DENND11: variants seen among roughly 807,000 people sequenced by gnomAD.
DENND11 encodes DENN domain-containing protein 11.
In DENND11, 34 loss-of-function variants were observed where a neutral mutation model predicts 49.2. The ratio of observed to expected loss-of-function variants is 0.69; its 90% CI spans 0.53 to 0.92. The LOEUF (loss-of-function observed/expected upper bound fraction) is 0.92. Among genes scored for constraint, DENND11 ranks in the 40% least tolerant of loss-of-function variants. The pLI, the probability that DENND11 is intolerant of heterozygous loss-of-function variation, is 0.00. For missense variants in DENND11, 475 were observed against 581.6 expected (o/e 0.82, Z 1.88); for synonymous variants, 238 against 230.3 (o/e 1.03, Z -0.30).
chr7:141,664,298 G>A, intron 7 of DENND11, 58 bp from the exon 8 acceptor site: 2 of 1,389,576 alleles, frequency 1.4e-6, no homozygotes, highest in Non-Finnish European at 2.0e-6. Context: ...AGTCACAGGT[G>A]AGGCCTCAGC....
chr7:141,700,003 C>A lies in DENND11; in HGVS notation c.268+1883G>T, dbSNP rs187827403. On this transcript the variant is annotated intron_variant, in intron 1 of 8. Transcript: ENST00000536163. Reference sequence around the variant, plus strand: ...GCCTGTGACTGACAAGGAATGGGGGCAGGTACTAGCCCTCTGGCGCTTTTA... The same window carrying A: ...GCCTGTGACTGACAAGGAATGGGGGAAGGTACTAGCCCTCTGGCGCTTTTA... 2.0e-5 allele frequency among the ~76,000 whole-genome samples: 3 copies of A among 152,278 alleles called. No homozygotes were observed. In the East Asian group the frequency reaches 5.8e-4, roughly 29 times the overall value.
chr7:141,685,519 T>G lies in DENND11; in HGVS notation c.486A>C (p.Thr162=). Residue 162 remains threonine, a synonymous_variant, in exon 3 of 9, where the codon ACA becomes ACC. Transcript: ENST00000536163. The part of the protein sequence containing the change: ...KSVGILSPSY[T]LLYRYMHFLE... ...AGAAGTGCATGTAGCGGTAAAGCAG[T>G]GTGTAGGAGGGAGAGAGGATGCCCA... is the stretch of plus-strand genomic sequence containing the variant. The G allele has an allele frequency of 6.2e-7, 1 of 1,613,784 alleles. No individual in the cohort carries two copies. Among genetic ancestry groups the G allele is most frequent in the Non-Finnish European group, 8.5e-7 (1 of 1,179,838 alleles).
chr7:141,685,756 A>G, intron 2 of DENND11, 120 bp from the exon 3 acceptor site: 1 of 1,121,862 alleles, frequency 8.9e-7, no homozygotes, highest in Non-Finnish European at 1.3e-6. Context: ...GCCTCAAGAA[A>G]ACAAGCGGGC....
chr7:141,682,572 T>C (rs1798164077), intron 3 of DENND11, among the ~76,000 whole-genome samples: 1 of 152,226 alleles, frequency 6.6e-6, no homozygotes, highest in Non-Finnish European at 1.5e-5. Flanking sequence ...GAGCAGCTTT[T>C]AACATTTGGG....
intron 3 of DENND11, among the ~76,000 whole-genome samples, chr7:141,674,468 C>CT (rs945078545): frequency 3.9e-5 from 6 of 152,176 alleles, no homozygotes; most frequent in African/African-American, 1.4e-4. Flanking sequence ...GGAACACATT[C>CT]TTTTTCTCAT....
In DENND11 at chr7:141,686,664, G is replaced by C; in HGVS notation, c.269-6C>G. On this transcript the variant is annotated splice_region_variant and splice_polypyrimidine_tract_variant and intron_variant, in intron 1 of 8. Transcript: ENST00000536163. ...GCACCATTCTACCATGTTTCCTGCA[G>C]GAAAAGGAAGATGCAAGTTAAAAGA... The C allele has an allele frequency of 1.3e-6, 2 of 1,599,916 alleles. No individual in the cohort carries two copies. The highest frequency in any genetic ancestry group is 8.6e-7 in the Non-Finnish European group (1 of 1,169,092).
At chr7:141,668,600 C>CA (rs35952269) in intron 4 of DENND11, among the ~76,000 whole-genome samples, 16,701 of 150,808 alleles carry the variant, frequency 0.11, 1,319 homozygotes, top group East Asian at 0.35. Flanking sequence ...AACAAACAAA[C>CA]AACAAACAAA....
chr7:141,674,164 T>C lies in DENND11; in HGVS notation c.584A>G (p.Lys195Arg). The C allele has an allele frequency of 6.4e-7, 1 of 1,565,282 alleles. No individual in the cohort carries two copies. Among genetic ancestry groups the C allele is most frequent in the East Asian group, 2.4e-5 (1 of 42,190 alleles). ...YSHLAAFYED[K>R]KGVLHAGPGR... ...GGGACCAGCATGGAGCACCCCCTTTTTGTCCTCATAGAAGGCAGCCAGATG... is the reference window on the plus strand; with the variant it reads ...GGGACCAGCATGGAGCACCCCCTTTCTGTCCTCATAGAAGGCAGCCAGATG... The change falls in exon 4 of 9, where the codon AAA (lysine) becomes AGA (arginine). Residue 195 changes from lysine (K) to arginine (R), a missense_variant. Lys to Arg is a conservative substitution (Grantham distance 26, BLOSUM62 2). Coordinates refer to ENST00000536163, the MANE Select transcript of DENND11 (RefSeq NM_001080392.2).
intron 4 of DENND11, among the ~76,000 whole-genome samples, chr7:141,669,244 GTTTTTTTT>G (rs36043478): frequency 7.5e-6 from 1 of 133,790 alleles, no homozygotes; most frequent in African/African-American, 2.7e-5. Context: ...CTTCTTTAAA[GTTTTTTTT>G]TTTTTTTTTT....
intron 1 of DENND11, among the ~76,000 whole-genome samples, chr7:141,690,749 A>G (rs947617860): frequency 6.6e-6 from 1 of 152,182 alleles, no homozygotes; most frequent in African/African-American, 2.4e-5. Context: ...AGAAAACAAA[A>G]TTTTGTGAAA....
intron 7 of DENND11, 110 bp downstream of exon 7, chr7:141,664,794 T>G: frequency 8.0e-7 from 1 of 1,255,566 alleles, no homozygotes; most frequent in Non-Finnish European, 1.1e-6. Flanking sequence ...GCATGGAGAC[T>G]GGGAGAAATG....
chr7:141,701,135 C>T (rs989827275), intron 1 of DENND11, among the ~76,000 whole-genome samples: 1 of 152,048 alleles, frequency 6.6e-6, no homozygotes, highest in Non-Finnish European at 1.5e-5. Context: ...CGCACACCCC[C>T]CTGCCGGGTG....
chr7:141,677,243 T>C (rs2117063588), intron 3 of DENND11, among the ~76,000 whole-genome samples: 1 of 151,916 alleles, frequency 6.6e-6, no homozygotes, highest in Non-Finnish European at 1.5e-5. Flanking sequence ...CTGGCCAACA[T>C]GGTGAAACCT....
intron 3 of DENND11, among the ~76,000 whole-genome samples, chr7:141,677,406 T>A (rs60546124): frequency 0.02 from 2,318 of 117,572 alleles, 32 homozygotes; most frequent in South Asian, 0.046. Context: ...AAAAAAAATA[T>A]ATATATATAT....
At chr7:141,693,341 C>G (rs1181574688) in intron 1 of DENND11, among the ~76,000 whole-genome samples, 1 of 152,158 alleles carries the variant, frequency 6.6e-6, no homozygotes, top group Non-Finnish European at 1.5e-5. Flanking sequence ...GGCTAACATT[C>G]AAAACACCAA....
At chr7:141,675,770 C>A (rs1798053490) in intron 3 of DENND11, among the ~76,000 whole-genome samples, 1 of 152,104 alleles carries the variant, frequency 6.6e-6, no homozygotes, top group South Asian at 2.1e-4. Context: ...GACCTTCAGA[C>A]AAATTTATAT....
At chr7:141,685,448 C>A (rs1461007781) in intron 3 of DENND11, 30 bp downstream of exon 3, 1 of 1,609,872 alleles carries the variant, frequency 6.2e-7, no homozygotes, top group Non-Finnish European at 8.5e-7. Flanking sequence ...GATCCTGCTG[C>A]CTCCCTGCAC....
chr7:141,701,399 GGAGCGGGGGACGGGGTGGGGGGC>G (rs1798512076), intron 1 of DENND11, among the ~76,000 whole-genome samples: 1 of 141,922 alleles, frequency 7.0e-6, no homozygotes, highest in Non-Finnish European at 1.6e-5. Context: ...GGGCGAGCGG[GGAGCGGGGGACGGGGTGGGGGGC>G]GAGCGGGGAG....
intron 7 of DENND11, 96 bp from the exon 8 acceptor site, chr7:141,664,336 C>T: frequency 1.1e-6 from 1 of 904,592 alleles, no homozygotes; most frequent in South Asian, 1.5e-5. Flanking sequence ...CCACCACCTC[C>T]CAGGAAGCAG....
Sources: gnomAD v4.1 joint callset for allele counts (sites outside exome capture counted in the v4.1 genomes callset) on GRCh38, gnomAD v4.1.1 for gene constraint, MANE v1.5 for transcripts, NCBI Gene and HGNC (gene_info 2026-07-23, HGNC 2026-07-21) for gene names.